Variants in NDUFS1 observed in about 807,000 individuals in gnomAD.
NDUFS1 encodes NADH:ubiquinone oxidoreductase core subunit S1, also known as NADH-ubiquinone oxidoreductase 75 kDa subunit, mitochondrial.
A neutral mutation model predicts 84.4 loss-of-function variants in NDUFS1; 61 were observed. The observed-to-expected ratio is 0.72, with a 90% CI of 0.59 to 0.89. The LOEUF (loss-of-function observed/expected upper bound fraction) is 0.89. Among genes scored for constraint, NDUFS1 ranks in the 40% least tolerant of loss-of-function variants. The pLI is 0.00. For missense variants in NDUFS1, 891 were observed against 890.0 expected (o/e 1.00, Z -0.01); for synonymous variants, 275 against 290.0 (o/e 0.95, Z 0.53).
intron 13 of NDUFS1, among the ~76,000 whole-genome samples, chr2:206,134,224 T>C (rs1691621729): frequency 6.6e-6 from 1 of 152,218 alleles, no homozygotes; most frequent in Admixed American, 6.5e-5. Context: ...TCTTTCTCAC[T>C]TAAAAACTCA....
At position 206,152,637 on chromosome 2, in the gene NDUFS1, G is replaced by A; in HGVS notation, c.62-127C>T. The A allele has an allele frequency of 9.3e-6, 7 of 752,098 alleles. 1 individual carries two copies. The South Asian group carries it at 1.0e-4, about 11-fold the overall frequency. 46.6% of individuals were successfully genotyped at this position (752,098 alleles called of 1,614,324 possible). Reference sequence around the variant, plus strand: ...CCTTATTATTCCTCTGTATTGCTCTGGATGCAAACTTATGGTTGTCTACTT... The same window carrying A: ...CCTTATTATTCCTCTGTATTGCTCTAGATGCAAACTTATGGTTGTCTACTT... On this transcript the variant is annotated intron_variant, in intron 2 of 18. Coordinates refer to ENST00000233190, the MANE Select transcript of NDUFS1 (RefSeq NM_005006.7).
chr2:206,150,022 C>CA (rs1458943908), intron 3 of NDUFS1, 97 bp from the exon 4 acceptor site: 7 of 657,898 alleles, frequency 1.1e-5, no homozygotes, highest in African/African-American at 3.7e-5. Context: ...CATCTTATTA[C>CA]TTCTATCTAT....
chr2:206,131,944 T>A (rs992138154), intron 14 of NDUFS1, among the ~76,000 whole-genome samples: 11 of 149,248 alleles, frequency 7.4e-5, no homozygotes, highest in Non-Finnish European at 1.5e-5. Context: ...ATCTCAAAAA[T>A]AATAATAATA....
At chr2:206,136,111 C>T (rs566546064) in intron 13 of NDUFS1, among the ~76,000 whole-genome samples, 51 of 151,142 alleles carry the variant, frequency 3.4e-4, no homozygotes, top group African/African-American at 1.0e-3. Flanking sequence ...AGTCCAATGG[C>T]GCAATCTCAG....
chr2:206,144,634 G>A (rs1012072872), intron 9 of NDUFS1, among the ~76,000 whole-genome samples: 1 of 152,116 alleles, frequency 6.6e-6, no homozygotes, highest in Admixed American at 6.6e-5. Flanking sequence ...TGAACAAACT[G>A]AAATAAGTTG....
intron 14 of NDUFS1, among the ~76,000 whole-genome samples, chr2:206,131,210 TCTA>T (rs1691499688): frequency 6.6e-6 from 1 of 152,184 alleles, no homozygotes; most frequent in Admixed American, 6.6e-5. Flanking sequence ...CCCCAATAGT[TCTA>T]CTTTTAGAAA....
intron 15 of NDUFS1, 112 bp from the exon 16 acceptor site, chr2:206,128,084 T>C: frequency 8.2e-7 from 1 of 1,216,152 alleles, no homozygotes; most frequent in South Asian, 1.3e-5. Context: ...TCACAAAAGT[T>C]TTTAAAACTA....
chr2:206,147,115 T>C (rs1434004263), intron 7 of NDUFS1, 27 bp from the exon 8 acceptor site: 2 of 1,610,900 alleles, frequency 1.2e-6, no homozygotes, highest in Middle Eastern at 1.7e-4. Flanking sequence ...GTGTCATCAA[T>C]GGTCAAGTCC....
At chr2:206,134,594 A>G (rs1400623469) in intron 13 of NDUFS1, among the ~76,000 whole-genome samples, 1 of 152,156 alleles carries the variant, frequency 6.6e-6, no homozygotes, top group African/African-American at 2.4e-5. Context: ...ACAAAAAAAA[A>G]AGACAGAAAA....
In NDUFS1 at chr2:206,149,933, T is replaced by TAAAA. The variant is rs568965659; in HGVS notation, c.154-12_154-9dup. 108 of 604,120 alleles carry TAAAA rather than the reference T, an allele frequency of 1.8e-4. No homozygotes were observed. The highest frequency in any genetic ancestry group is 1.1e-3 in the African/African-American group (32 of 29,090). 37.4% of individuals were successfully genotyped at this position (604,120 alleles called of 1,614,324 possible). A position where few individuals can be genotyped will look rare whatever the true frequency, so the allele number is the denominator to read the frequency against. The stretch of plus-strand genomic sequence containing the variant: ...GCCAACCTTCTCACAAGCCTAGAAG[T>TAAAA]AAAAAAAAAAAAAAAAAAAAAAAAA... On this transcript the variant is annotated splice_polypyrimidine_tract_variant and intron_variant, in intron 3 of 18. Coordinates refer to ENST00000233190, the MANE Select transcript of NDUFS1 (RefSeq NM_005006.7).
intron 1 of NDUFS1, chr2:206,159,107 C>T (rs1189478227): frequency 6.5e-7 from 1 of 1,535,728 alleles, no homozygotes; most frequent in Non-Finnish European, 8.7e-7. Context: ...TTCGTGACAG[C>T]GTTCCCGAGG....
At chr2:206,142,136 A>G in intron 11 of NDUFS1, 67 bp from the exon 12 acceptor site, 2 of 1,399,784 alleles carry the variant, frequency 1.4e-6, no homozygotes, top group Non-Finnish European at 2.0e-6. Flanking sequence ...TCCATGAAAT[A>G]TTCTCCTATC....
chr2:206,132,479 T>C (rs1020932054), intron 14 of NDUFS1, among the ~76,000 whole-genome samples: 2 of 152,028 alleles, frequency 1.3e-5, no homozygotes, highest in African/African-American at 4.8e-5. Flanking sequence ...CATTTAATAC[T>C]TGGGAGGCAG....
chr2:206,120,252 A>G lies in NDUFS1; in HGVS notation c.*3933T>C, dbSNP rs143408088. On this transcript the variant is annotated 3_prime_UTR_variant, in exon 19 of 19. Transcript: ENST00000233190. ...TATTCCTTTACAGTAATGCAAACAG[A>G]TTAAAACAGATTAGTACTGACAGTG... 15 of 152,364 alleles carry G rather than the reference A, an allele frequency of 9.8e-5. No homozygotes were observed. The highest frequency in any genetic ancestry group is 3.4e-4 in the African/African-American group (14 of 41,592). The allele number at this position is 152,364 out of a possible 1,614,324, so 9.4% of individuals were successfully genotyped here. A position where few individuals can be genotyped will look rare whatever the true frequency, so the allele number is the denominator to read the frequency against.
chr2:206,126,844 T>G lies in NDUFS1; in HGVS notation c.1885A>C (p.Ile629Leu), dbSNP rs911115441. The G allele has an allele frequency of 1.9e-6, 3 of 1,614,060 alleles. No homozygotes were observed. The highest frequency in any genetic ancestry group is 2.5e-6 in the Non-Finnish European group (3 of 1,180,002). Residue 629 changes from isoleucine to leucine, a missense_variant and splice_region_variant, in exon 17 of 19, where the codon ATT becomes CTT. Coordinates refer to ENST00000233190, the MANE Select transcript of NDUFS1 (RefSeq NM_005006.7). ...DWKIIRALSE[I>L]AGMTLPYDTL... ...TCATATGGAAGAGTCATTCCAGCAA[T>G]CTACAACATGTCAGGTCCCCAAAAA...
At chr2:206,135,780 C>T (rs376253355) in intron 13 of NDUFS1, among the ~76,000 whole-genome samples, 9 of 152,202 alleles carry the variant, frequency 5.9e-5, no homozygotes, top group South Asian at 2.1e-4. Flanking sequence ...AGACTTTTCA[C>T]GGAATATTTT....
chr2:206,154,993 G>A (rs1287793996), intron 1 of NDUFS1, among the ~76,000 whole-genome samples: 1 of 139,424 alleles, frequency 7.2e-6, no homozygotes, highest in African/African-American at 2.7e-5. Context: ...GCAGTGGCAC[G>A]ATCTCAGCTC....
At position 206,142,025 on chromosome 2, in the gene NDUFS1, C is replaced by T. The variant is rs769417472; in HGVS notation, c.1178G>A (p.Gly393Asp). The T allele has an allele frequency of 3.7e-6, 6 of 1,606,400 alleles. No homozygotes were observed. Among genetic ancestry groups the T allele is most frequent in the Non-Finnish European group, 4.3e-6 (5 of 1,173,184 alleles). The change falls in exon 12 of 19, where the codon GGT becomes GAT. Residue 393 changes from glycine (G) to aspartate (D), a missense_variant. Gly to Asp is a moderately conservative substitution (Grantham distance 94). Coordinates refer to ENST00000233190, the MANE Select transcript of NDUFS1 (RefSeq NM_005006.7). ...SNYLLNTTIA[G>D]VEEADVVLLV... is the part of the protein sequence containing the mutation. ...AAGAACAACATCTGCCTCTTCCACA[C>T]CAGCAATTGTAGTATTAAGAAGATA...
Position 206,118,943 on chromosome 2 carries a change from C to G in NDUFS1, c.*5242G>C, listed in dbSNP as rs908330975. On this transcript the variant is annotated 3_prime_UTR_variant, in exon 19 of 19. Transcript: ENST00000233190. ...CCTCTACTAAAAACACAAAAATTAG[C>G]TGGGCGTGGTGGTGTGCTCCTGTAG... 2.0e-5 allele frequency: 3 copies of G among 152,204 alleles called. No homozygotes were observed. Among genetic ancestry groups the G allele is most frequent in the Admixed American group, 6.6e-5 (1 of 15,254 alleles). 9.4% of individuals were successfully genotyped at this position (152,204 alleles called of 1,614,324 possible). A position where few individuals can be genotyped will look rare whatever the true frequency, so the allele number is the denominator to read the frequency against.
Sources: gnomAD v4.1 joint callset for allele counts (sites outside exome capture counted in the v4.1 genomes callset) on GRCh38, gnomAD v4.1.1 for gene constraint, MANE v1.5 for transcripts, NCBI Gene and HGNC (gene_info 2026-07-23, HGNC 2026-07-21) for gene names.